Variants in BCL2 observed in about 807,000 individuals in gnomAD.
BCL2 encodes the protein apoptosis regulator Bcl-2.
BCL2 carries 1 observed loss-of-function variant against 14.2 expected under a neutral mutation model. The observed-to-expected ratio is 0.07, with a 90% CI of 0.02 to 0.33. The LOEUF (loss-of-function observed/expected upper bound fraction) is 0.33. Among genes scored for constraint, BCL2 ranks in the 10% least tolerant of loss-of-function variants. BCL2 has a pLI of 0.99. For synonymous variants in BCL2, 151 were observed against 137.2 expected, an observed-to-expected ratio of 1.10 and a Z score of -0.70; for missense variants, 247 against 305.9, an observed-to-expected ratio of 0.81 and a Z score of 1.44.
chr18:63,152,927 G>A (rs748382355), intron 2 of BCL2, among the ~76,000 whole-genome samples: 10 of 152,258 alleles, frequency 6.6e-5, no homozygotes, highest in East Asian at 1.9e-4. Flanking sequence ...TTCTGACGGC[G>A]TCCAACTTGC....
intron 2 of BCL2, among the ~76,000 whole-genome samples, chr18:63,265,041 G>A (rs573025830): frequency 3.3e-4 from 51 of 152,296 alleles, no homozygotes; most frequent in African/African-American, 1.1e-3. Context: ...GAACAGCTGC[G>A]TGGCAAGTGG....
rs142740690 is a variant in BCL2, at chr18:63,197,828, C to G, written c.586-69069G>C. On this transcript the variant is annotated intron_variant, in intron 2 of 2. Coordinates refer to ENST00000333681, the MANE Select transcript of BCL2 (RefSeq NM_000633.3). ...GTCAGACATTGAGGGGTGAACCTGT[C>G]CCCTGTGAGAGAGCATAGTTTTGTT... 2.2e-3 allele frequency among the ~76,000 whole-genome samples: 336 copies of G among 152,212 alleles called. 3 individuals carry two copies. The highest frequency in any genetic ancestry group is 7.8e-3 in the African/African-American group (322 of 41,520).
intron 2 of BCL2, among the ~76,000 whole-genome samples, chr18:63,158,994 C>T (rs982921425): frequency 4.6e-5 from 7 of 152,350 alleles, no homozygotes; most frequent in Admixed American, 3.9e-4. Flanking sequence ...CTGAAGGACA[C>T]TGGAGTCTGA....
chr18:63,138,603 G>A (rs1914272794), intron 2 of BCL2, among the ~76,000 whole-genome samples: 1 of 152,270 alleles, frequency 6.6e-6, no homozygotes, highest in African/African-American at 2.4e-5. Flanking sequence ...CCAGGCTGGC[G>A]AAGGCTGCTC....
intron 2 of BCL2, among the ~76,000 whole-genome samples, chr18:63,256,707 A>G (rs1013352980): frequency 6.6e-6 from 1 of 152,130 alleles, no homozygotes; most frequent in Non-Finnish European, 1.5e-5. Flanking sequence ...ATGGGGTTCT[A>G]CTTACAGTTT....
intron 2 of BCL2, among the ~76,000 whole-genome samples, chr18:63,140,274 GACC>G (rs1914320867): frequency 6.6e-6 from 1 of 152,196 alleles, no homozygotes; most frequent in Non-Finnish European, 1.5e-5. Context: ...GTCACCACAT[GACC>G]CAGCAATTCA....
chr18:63,272,412 T>C (rs1240882622), intron 2 of BCL2, among the ~76,000 whole-genome samples: 1 of 152,192 alleles, frequency 6.6e-6, no homozygotes, highest in Non-Finnish European at 1.5e-5. Flanking sequence ...TTAACCTACA[T>C]AGAGCATTTT....
chr18:63,236,155 T>C (rs1910823954), intron 2 of BCL2, among the ~76,000 whole-genome samples: 1 of 152,206 alleles, frequency 6.6e-6, no homozygotes, highest in South Asian at 2.1e-4. Context: ...CCTGCCCTCA[T>C]GTAAGACGTG....
At chr18:63,194,160 T>C (rs1909375712) in intron 2 of BCL2, among the ~76,000 whole-genome samples, 1 of 152,156 alleles carries the variant, frequency 6.6e-6, no homozygotes, top group Non-Finnish European at 1.5e-5. Flanking sequence ...GTCTATTTGT[T>C]TGATGCTGAA....
intron 2 of BCL2, among the ~76,000 whole-genome samples, chr18:63,166,563 G>A (rs191878328): frequency 2.0e-5 from 3 of 152,318 alleles, no homozygotes; most frequent in East Asian, 1.9e-4. Context: ...GGGAACCCTG[G>A]TGAAATACAT....
intron 2 of BCL2, among the ~76,000 whole-genome samples, chr18:63,258,632 T>A (rs545528451): frequency 6.6e-6 from 1 of 152,336 alleles, no homozygotes; most frequent in Admixed American, 6.5e-5. Flanking sequence ...CCTCCACTTG[T>A]TCTCTGGCGT....
At chr18:63,192,741 C>G (rs9944895) in intron 2 of BCL2, among the ~76,000 whole-genome samples, 51,409 of 149,626 alleles carry the variant, frequency 0.34, 9,248 homozygotes, top group East Asian at 0.47. Context: ...TCCTCCTTCA[C>G]CCCTGCCCCA....
chr18:63,133,928 T>C (rs1271543876), intron 2 of BCL2, among the ~76,000 whole-genome samples: 2 of 152,186 alleles, frequency 1.3e-5, no homozygotes, highest in African/African-American at 2.4e-5. Flanking sequence ...CGCGTCCACA[T>C]GATGGAGTGC....
At chr18:63,174,954 G>C (rs1915319424) in intron 2 of BCL2, among the ~76,000 whole-genome samples, 1 of 151,888 alleles carries the variant, frequency 6.6e-6, no homozygotes, top group African/African-American at 2.4e-5. Flanking sequence ...ACACATGTCT[G>C]CCGTTTTCAC....
rs28744646 is a variant in BCL2 at position 63,290,099 on chromosome 18, T to C, written c.585+27983A>G. On this transcript the variant is annotated intron_variant, in intron 2 of 2. Coordinates refer to ENST00000333681, the MANE Select transcript of BCL2 (RefSeq NM_000633.3). ...GAGCAGAAGCTGGAAGAATGCACCC[T>C]AGGTTTTGAGCCTGGGTGATCGGAA... is the stretch of plus-strand genomic sequence containing the variant. Among the ~76,000 whole-genome samples the C allele has an allele frequency of 2.5e-3, 385 of 152,100 alleles. 1 individual carries two copies. The highest frequency in any genetic ancestry group is 8.9e-3 in the African/African-American group (369 of 41,498).
intron 2 of BCL2, among the ~76,000 whole-genome samples, chr18:63,278,495 C>T (rs143237809): frequency 1.3e-5 from 2 of 152,340 alleles, no homozygotes; most frequent in African/African-American, 2.4e-5. Flanking sequence ...TCACCCCTAA[C>T]TCTTGATATC....
chr18:63,199,167 C>A (rs1185750631), intron 2 of BCL2, among the ~76,000 whole-genome samples: 1 of 149,392 alleles, frequency 6.7e-6, no homozygotes. Flanking sequence ...ACACCACACA[C>A]ATCACATAGA....
At chr18:63,238,212 T>C (rs147763703) in intron 2 of BCL2, among the ~76,000 whole-genome samples, 61 of 152,346 alleles carry the variant, frequency 4.0e-4, no homozygotes, top group African/African-American at 1.4e-3. Flanking sequence ...TAATTATGTA[T>C]AAAGTTCGTT....
intron 2 of BCL2, among the ~76,000 whole-genome samples, chr18:63,212,651 C>T (rs539752079): frequency 2.2e-4 from 34 of 151,788 alleles, no homozygotes; most frequent in Admixed American, 4.6e-4. Flanking sequence ...TCCAGGCGGG[C>T]GGATCACGAG....
Sources: gnomAD v4.1 joint callset for allele counts (sites outside exome capture counted in the v4.1 genomes callset) on GRCh38, gnomAD v4.1.1 for gene constraint, MANE v1.5 for transcripts, NCBI Gene and HGNC (gene_info 2026-07-23, HGNC 2026-07-21) for gene names.